Variants in DDC observed in about 807,000 individuals in gnomAD.
DDC encodes the protein dopa decarboxylase, also known as aromatic-L-amino-acid decarboxylase.
In DDC, 43 loss-of-function variants were observed where a neutral mutation model predicts 60.0. The ratio of observed to expected loss-of-function variants is 0.72; its 90% CI spans 0.56 to 0.92. DDC has a LOEUF of 0.92. DDC is among the 40% of genes least tolerant of loss of function. The pLI, the probability that DDC is intolerant of heterozygous loss-of-function variation, is 0.00. For missense variants in DDC, 573 were observed against 620.2 expected, an observed-to-expected ratio of 0.92 and a Z score of 0.81; for synonymous variants, 232 against 234.6, an observed-to-expected ratio of 0.99 and a Z score of 0.10.
intron 1 of DDC, among the ~76,000 whole-genome samples, chr7:50,548,039 C>A (rs1003959448): frequency 6.6e-6 from 1 of 152,122 alleles, no homozygotes; most frequent in East Asian, 1.9e-4. Flanking sequence ...GATCTATGGT[C>A]GGCAATCTTT....
intron 9 of DDC, among the ~76,000 whole-genome samples, chr7:50,489,286 C>T (rs1418183354): frequency 6.6e-6 from 1 of 152,176 alleles, no homozygotes; most frequent in Non-Finnish European, 1.5e-5. Flanking sequence ...GGATTACAGG[C>T]ATGAGCCACC....
intron 11 of DDC, among the ~76,000 whole-genome samples, chr7:50,472,995 G>A (rs777076090): frequency 4.2e-4 from 64 of 152,170 alleles, no homozygotes; most frequent in Non-Finnish European, 8.1e-4. Context: ...CCCATTCCCT[G>A]CTGAGCCCAG....
intron 1 of DDC, among the ~76,000 whole-genome samples, chr7:50,545,764 C>T (rs918721331): frequency 2.6e-5 from 4 of 152,190 alleles, no homozygotes; most frequent in Non-Finnish European, 5.9e-5. Context: ...TGAGCCACCG[C>T]TCCCAGCCTC....
intron 6 of DDC, among the ~76,000 whole-genome samples, chr7:50,524,390 T>C (rs2043982745): frequency 1.3e-5 from 2 of 152,166 alleles, no homozygotes; most frequent in South Asian, 2.1e-4. Flanking sequence ...GAAATGAAGG[T>C]TGGGATATAA....
At position 50,544,024 on chromosome 7, in the gene DDC, A is replaced by G. The variant is rs564229359; in HGVS notation, c.62T>C (p.Met21Thr). 2.5e-6 allele frequency: 4 copies of G among 1,614,156 alleles called. No homozygotes were observed. Among genetic ancestry groups the G allele is most frequent in the East Asian group, 4.5e-5 (2 of 44,882 alleles). ...KEMVDYMANY[M>T]EGIEGRQVYP... ...GACCTGGCGTCCCTCAATGCCTTCCATGTAGTTGGCCATGTAATCCACCAT... is the reference window on the plus strand; with the variant it reads ...GACCTGGCGTCCCTCAATGCCTTCCGTGTAGTTGGCCATGTAATCCACCAT... The change falls in exon 2 of 15, where the codon ATG becomes ACG. Residue 21 changes from methionine to threonine, a missense_variant. Transcript: ENST00000444124.
In DDC at chr7:50,537,987, G is replaced by T. The variant is rs778824324; in HGVS notation, c.316-8C>A. The T allele has an allele frequency of 3.1e-6, 5 of 1,614,120 alleles. No homozygotes were observed. The highest frequency in any genetic ancestry group is 4.2e-6 in the Non-Finnish European group (5 of 1,180,012). On this transcript the variant is annotated splice_polypyrimidine_tract_variant and splice_region_variant and intron_variant, in intron 3 of 14. Coordinates refer to ENST00000444124, the MANE Select transcript of DDC (RefSeq NM_001082971.2). ...GCATGCTGGGCTTGCCGCCTGTCGT[G>T]GGGGAAGGGAAGGGATTAACCGAGG... is the stretch of plus-strand genomic sequence containing the variant.
chr7:50,467,896 C>A (rs2042433524), intron 12 of DDC, among the ~76,000 whole-genome samples: 4 of 152,236 alleles, frequency 2.6e-5, no homozygotes, highest in Admixed American at 2.6e-4. Flanking sequence ...GCGTTTGCCA[C>A]CTAGAGCTGG....
chr7:50,515,842 T>A (rs974147518), intron 6 of DDC, among the ~76,000 whole-genome samples: 3 of 152,192 alleles, frequency 2.0e-5, no homozygotes, highest in Admixed American at 6.5e-5. Context: ...GGACGTTATA[T>A]AATGGTAAAA....
Position 50,529,202 on chromosome 7 carries a change from A to T in DDC, c.570+6T>A, listed in dbSNP as rs1203442412. On this transcript the variant is annotated splice_donor_region_variant and intron_variant, in intron 5 of 14. Coordinates refer to ENST00000444124, the MANE Select transcript of DDC (RefSeq NM_001082971.2). ...GTCTTGGCTGATACCCCCACAACAC[A>T]CTCACCTGATCGGATGAGTAAGCCA... 1 of 1,612,850 alleles carries T rather than the reference A, an allele frequency of 6.2e-7. No individual in the cohort carries two copies.
intron 7 of DDC, among the ~76,000 whole-genome samples, chr7:50,503,038 A>G (rs562207363): frequency 6.6e-6 from 1 of 152,254 alleles, no homozygotes; most frequent in South Asian, 2.1e-4. Context: ...CGCCCAGGAG[A>G]GGAGGGTCCA....
At chr7:50,515,353 A>G (rs1267274849) in intron 6 of DDC, among the ~76,000 whole-genome samples, 1 of 152,196 alleles carries the variant, frequency 6.6e-6, no homozygotes, top group Non-Finnish European at 1.5e-5. Flanking sequence ...CAGACAAACA[A>G]ATGCTGAGAG....
chr7:50,509,573 G>T (rs1465354219), intron 6 of DDC, among the ~76,000 whole-genome samples: 3 of 151,952 alleles, frequency 2.0e-5, no homozygotes, highest in Non-Finnish European at 4.4e-5. Flanking sequence ...TTCCTCATTT[G>T]CCCAGTGGAA....
intron 5 of DDC, among the ~76,000 whole-genome samples, chr7:50,528,799 T>C (rs534394184): frequency 2.8e-4 from 42 of 152,174 alleles, no homozygotes; most frequent in African/African-American, 9.9e-4. Context: ...GCCGGCCACC[T>C]TTTGCCCTGC....
At chr7:50,546,605 G>A (rs76899740) in intron 1 of DDC, among the ~76,000 whole-genome samples, 2,707 of 152,290 alleles carry the variant, frequency 0.018, 165 homozygotes, top group Admixed American at 0.11. Context: ...CTTTGACAAA[G>A]GTAAACCTGC....
At chr7:50,494,420 C>A (rs1436308890) in intron 9 of DDC, among the ~76,000 whole-genome samples, 1 of 151,884 alleles carries the variant, frequency 6.6e-6, no homozygotes, top group Non-Finnish European at 1.5e-5. Flanking sequence ...ACGAGAATGG[C>A]ATGAACCTGG....
At chr7:50,514,308 G>A (rs966980897) in intron 6 of DDC, among the ~76,000 whole-genome samples, 1 of 152,106 alleles carries the variant, frequency 6.6e-6, no homozygotes, top group Non-Finnish European at 1.5e-5. Context: ...AACACCCTGT[G>A]GGACAAAAGA....
chr7:50,464,418 T>C (rs1305150234), intron 13 of DDC, among the ~76,000 whole-genome samples: 1 of 151,916 alleles, frequency 6.6e-6, no homozygotes, highest in African/African-American at 2.4e-5. Context: ...CAGAGGAAAT[T>C]TGGAAACCGT....
chr7:50,552,088 G>C (rs1397826817), intron 1 of DDC, among the ~76,000 whole-genome samples: 1 of 152,226 alleles, frequency 6.6e-6, no homozygotes, highest in African/African-American at 2.4e-5. Flanking sequence ...CCTAGTCAAA[G>C]TGTAAAGTAA....
chr7:50,552,487 T>A (rs979716821), intron 1 of DDC, among the ~76,000 whole-genome samples: 1 of 152,180 alleles, frequency 6.6e-6, no homozygotes, highest in Non-Finnish European at 1.5e-5. Context: ...TGGCTCAATG[T>A]CTTTTTGCAT....
Sources: allele counts gnomAD v4.1 joint callset (sites outside exome capture counted in the v4.1 genomes callset), GRCh38; gene constraint gnomAD v4.1.1; transcripts MANE v1.5; gene names NCBI Gene and HGNC (gene_info 2026-07-23, HGNC 2026-07-21).